The following PLA2R1 variants were observed in gnomAD, a reference collection of about 807,000 sequenced individuals.
The protein encoded by PLA2R1 is secretory phospholipase A2 receptor.
PLA2R1 carries 158 observed loss-of-function variants against 195.9 expected under a neutral mutation model. The observed-to-expected ratio is 0.81, with a 90% confidence interval of 0.71 to 0.92. PLA2R1 has a LOEUF of 0.92. Ranked by LOEUF, PLA2R1 falls within the 40% of genes least tolerant of loss-of-function variation. PLA2R1 has a pLI of 0.00. For synonymous variants in PLA2R1, 586 were observed against 598.2 expected (o/e 0.98, Z 0.30); for missense variants, 1,626 against 1,764.6 (o/e 0.92, Z 1.41).
At chr2:159,973,149 T>C (rs1689298095) in intron 17 of PLA2R1, among the ~76,000 whole-genome samples, 1 of 152,158 alleles carries the variant, frequency 6.6e-6, no homozygotes, top group Non-Finnish European at 1.5e-5. Context: ...TCTACACATC[T>C]TGCTCCTCAT....
In PLA2R1 at chr2:159,947,463, T is replaced by C. The variant is rs747463990; in HGVS notation, c.3806A>G (p.Asp1269Gly). Residue 1269 changes from aspartate to glycine, a missense_variant, in exon 26 of 30, where the codon GAC becomes GGC. Transcript: ENST00000283243. ...SNCYSFSTVL[D>G]SMSFEAAHEF... ...ATGAGCAGCCTCAAAACTCATACTG[T>C]CTAGGACTGTAGAAAAACTGTAGCA... 1 of 1,613,452 alleles carries C rather than the reference T, an allele frequency of 6.2e-7. No individual in the cohort carries two copies. Among genetic ancestry groups the C allele is most frequent in the Non-Finnish European group, 8.5e-7 (1 of 1,179,578 alleles).
Position 159,955,766 on chromosome 2 carries a change from CA to C in PLA2R1, c.3084del (p.Asp1028GlufsTer7). The C allele has an allele frequency of 6.3e-7, 1 of 1,591,032 alleles. No homozygotes were observed. Reference protein sequence around the residue: ...TTSVWIGLQNDDYETWLNGKP... With the variant: ...TTSVWIGLQNXDYETWLNGKP... ...TTTCCATTTAGCCATGTTTCATAATCATCATTTTGTAAACCTATCCACACAC... is the reference window on the plus strand; with the variant it reads ...TTTCCATTTAGCCATGTTTCATAATCTCATTTTGTAAACCTATCCACACAC... On this transcript the variant is annotated frameshift_variant, in exon 22 of 30. Transcript: ENST00000283243. LOFTEE classifies it high-confidence loss of function.
intron 6 of PLA2R1, among the ~76,000 whole-genome samples, chr2:160,027,594 A>C (rs1693604384): frequency 6.6e-6 from 1 of 152,180 alleles, no homozygotes; most frequent in Non-Finnish European, 1.5e-5. Flanking sequence ...TTTTCTAATT[A>C]TTTTTGTAAT....
At chr2:160,039,517 A>T (rs985282795) in intron 3 of PLA2R1, among the ~76,000 whole-genome samples, 15 of 152,090 alleles carry the variant, frequency 9.9e-5, no homozygotes, top group South Asian at 6.2e-4. Context: ...TGAGATATTT[A>T]AAAAAATTTC....
intron 25 of PLA2R1, among the ~76,000 whole-genome samples, 185 bp from the exon 26 acceptor site, chr2:159,947,744 A>T (rs1687476259): frequency 6.6e-6 from 1 of 152,228 alleles, no homozygotes; most frequent in African/African-American, 2.4e-5. Flanking sequence ...AGCATTTCTG[A>T]CAGAAATAAT....
intron 5 of PLA2R1, 85 bp downstream of exon 5, chr2:160,028,765 C>A: frequency 1.3e-6 from 1 of 784,068 alleles, no homozygotes; most frequent in Non-Finnish European, 2.2e-6. Context: ...CTCAAAAAAG[C>A]ATGTCCTATG....
Position 159,956,543 on chromosome 2 carries a change from T to TA in PLA2R1, c.2988_2989insT (p.Thr997TyrfsTer6), listed in dbSNP as rs1688098686. The TA allele has an allele frequency of 6.2e-7, 1 of 1,612,648 alleles. No individual in the cohort carries two copies. Among genetic ancestry groups the TA allele is most frequent in the Non-Finnish European group, 8.5e-7 (1 of 1,178,890 alleles). ...ACCTCACTTTCAATGGCGACCAGGG[T>TA]CCCCCCTTCTTCAGCACAGAAATGT... On this transcript the variant is annotated frameshift_variant, in exon 21 of 30. Coordinates refer to ENST00000283243, the MANE Select transcript of PLA2R1 (RefSeq NM_007366.5). LOFTEE classifies it high-confidence loss of function.
the PLA2R1 span, among the ~76,000 whole-genome samples, chr2:159,925,249 G>A: frequency 6.6e-6 from 1 of 151,990 alleles, no homozygotes; most frequent in South Asian, 2.1e-4. Flanking sequence ...TTACGGCAAT[G>A]GTAAGCATCT....
chr2:160,060,632 TG>T (rs1245171003), intron 1 of PLA2R1, among the ~76,000 whole-genome samples: 3 of 152,230 alleles, frequency 2.0e-5, no homozygotes, highest in Non-Finnish European at 4.4e-5. Context: ...GGCTAGCAGA[TG>T]GCTCTAATTT....
chr2:160,021,323 C>T (rs907325779), intron 7 of PLA2R1, among the ~76,000 whole-genome samples: 1 of 152,114 alleles, frequency 6.6e-6, no homozygotes, highest in Non-Finnish European at 1.5e-5. Flanking sequence ...GACACCTGTA[C>T]TCATATGTTT....
chr2:159,956,333 A>C (rs1007578351), intron 21 of PLA2R1, among the ~76,000 whole-genome samples, 177 bp downstream of exon 21: 17 of 152,236 alleles, frequency 1.1e-4, no homozygotes, highest in African/African-American at 4.1e-4. Context: ...GCAGTACACT[A>C]ACTTTTACAG....
chr2:159,990,236 T>C (rs1558868111), intron 11 of PLA2R1, among the ~76,000 whole-genome samples: 1 of 152,150 alleles, frequency 6.6e-6, no homozygotes, highest in Non-Finnish European at 1.5e-5. Context: ...ATTTGATAAC[T>C]CACTTCCCAC....
chr2:159,976,254 G>T (rs772093351), intron 16 of PLA2R1, 29 bp from the exon 17 acceptor site: 10 of 1,546,016 alleles, frequency 6.5e-6, no homozygotes, highest in Admixed American at 1.8e-5. Flanking sequence ...AAATAATGCT[G>T]AAATGATAAA....
At chr2:160,000,443 A>C (rs1329555779) in intron 11 of PLA2R1, among the ~76,000 whole-genome samples, 1 of 152,220 alleles carries the variant, frequency 6.6e-6, no homozygotes, top group Non-Finnish European at 1.5e-5. Context: ...GTAGTGCCTC[A>C]AACTGAGTGG....
intron 9 of PLA2R1, among the ~76,000 whole-genome samples, chr2:160,015,849 G>A (rs1222894491): frequency 6.6e-6 from 1 of 152,194 alleles, no homozygotes; most frequent in Non-Finnish European, 1.5e-5. Context: ...TGGATTAGAA[G>A]AGAAAATAAT....
At chr2:160,062,081 G>A (rs879306778) in intron 1 of PLA2R1, among the ~76,000 whole-genome samples, 24 of 151,230 alleles carry the variant, frequency 1.6e-4, no homozygotes, top group Non-Finnish European at 2.7e-4. Flanking sequence ...GGAGGGTGCC[G>A]GGCCGCGCAA....
intron 8 of PLA2R1, among the ~76,000 whole-genome samples, chr2:160,018,841 A>G (rs1692926638): frequency 6.6e-6 from 1 of 152,234 alleles, no homozygotes; most frequent in Non-Finnish European, 1.5e-5. Context: ...ATGTCACAAA[A>G]GTTAAGTGCT....
At chr2:159,979,540 G>C (rs1689801699) in intron 14 of PLA2R1, among the ~76,000 whole-genome samples, 2 of 152,148 alleles carry the variant, frequency 1.3e-5, no homozygotes, top group African/African-American at 2.4e-5. Flanking sequence ...TTATTTTAAA[G>C]AATAGCTGCT....
At position 159,969,294 on chromosome 2, in the gene PLA2R1, T is replaced by C. The variant is rs1560159012; in HGVS notation, c.2726A>G (p.Asn909Ser). ...WDTGRERTVN[N>S]QSQRCGFISS... Reference sequence around the variant, plus strand: ...AATAAAGCCACATCTCTGGCTCTGATTATTCACAGTTCTTTCTCTTCCTGT... The same window carrying C: ...AATAAAGCCACATCTCTGGCTCTGACTATTCACAGTTCTTTCTCTTCCTGT... Residue 909 changes from asparagine (N) to serine (S), a missense_variant, in exon 19 of 30, where the codon AAT (asparagine) becomes AGT (serine). Asn to Ser is a conservative substitution (Grantham distance 46, BLOSUM62 1). Coordinates refer to ENST00000283243, the MANE Select transcript of PLA2R1 (RefSeq NM_007366.5). The C allele has an allele frequency of 6.2e-7, 1 of 1,607,806 alleles. No homozygotes were observed. The highest frequency in any genetic ancestry group is 8.5e-7 in the Non-Finnish European group (1 of 1,174,512).
Sources: allele counts gnomAD v4.1 joint callset (sites outside exome capture counted in the v4.1 genomes callset), GRCh38; gene constraint gnomAD v4.1.1; transcripts MANE v1.5; gene names NCBI Gene and HGNC (gene_info 2026-07-23, HGNC 2026-07-21).